The following TSPAN9 variants were observed in gnomAD, a reference collection of about 807,000 sequenced individuals.
TSPAN9 encodes the protein tetraspanin 9, also known as tetraspanin-9.
In TSPAN9, 16 loss-of-function variants were observed where a neutral mutation model predicts 31.0. That is an observed-to-expected ratio of 0.52 (90% confidence interval 0.35 to 0.78). The LOEUF is 0.78. TSPAN9 is among the 30% of genes least tolerant of loss of function. TSPAN9 has a pLI of 0.01. For synonymous variants in TSPAN9, 145 were observed against 121.6 expected (o/e 1.19, Z -1.27); for missense variants, 272 against 312.5 (o/e 0.87, Z 0.98).
chr12:3,277,862 T>A (rs1201425041), intron 3 of TSPAN9, among the ~76,000 whole-genome samples: 1 of 152,212 alleles, frequency 6.6e-6, no homozygotes, highest in Non-Finnish European at 1.5e-5. Context: ...CCTTTCTCCA[T>A]CTGTGGGAAA....
chr12:3,205,617 G>A (rs2098374643), intron 3 of TSPAN9, among the ~76,000 whole-genome samples: 1 of 152,134 alleles, frequency 6.6e-6, no homozygotes, highest in African/African-American at 2.4e-5. Context: ...TAGTGAGTGG[G>A]CTCAAGGGTC....
At chr12:3,238,971 G>A (rs1312200250) in intron 3 of TSPAN9, among the ~76,000 whole-genome samples, 6 of 152,286 alleles carry the variant, frequency 3.9e-5, no homozygotes, top group South Asian at 4.1e-4. Flanking sequence ...TCGGGTGGCC[G>A]CCATCTCAGC....
At chr12:3,175,777 C>G (rs758543035) in intron 2 of TSPAN9, among the ~76,000 whole-genome samples, 2 of 152,136 alleles carry the variant, frequency 1.3e-5, no homozygotes, top group African/African-American at 2.4e-5. Context: ...GGTGTGGGAC[C>G]GGCATCGCAC....
At chr12:3,114,948 A>T (rs992331506) in intron 2 of TSPAN9, among the ~76,000 whole-genome samples, 7 of 151,990 alleles carry the variant, frequency 4.6e-5, no homozygotes, top group African/African-American at 1.4e-4. Context: ...GAGTTTGTCT[A>T]TCTGAAGAGG....
chr12:3,110,357 A>G (rs577808418), intron 2 of TSPAN9, among the ~76,000 whole-genome samples: 1 of 152,336 alleles, frequency 6.6e-6, no homozygotes, highest in Admixed American at 6.5e-5. Context: ...ATACTAATTT[A>G]CAAATTTTTT....
chr12:3,198,643 C>G (rs796484379), intron 2 of TSPAN9, among the ~76,000 whole-genome samples: 95 of 37,826 alleles, frequency 2.5e-3, no homozygotes, highest in African/African-American at 6.9e-3. Context: ...ACCAGCACAG[C>G]TCACCACCAG....
intron 4 of TSPAN9, 140 bp downstream of exon 4, chr12:3,278,752 C>T: frequency 1.7e-6 from 2 of 1,203,222 alleles, no homozygotes; most frequent in Non-Finnish European, 2.3e-6. Context: ...ACGTTCTAGG[C>T]TTGACCACAC....
intron 2 of TSPAN9, among the ~76,000 whole-genome samples, chr12:3,166,475 TTATACA>T (rs2098348492): frequency 6.6e-6 from 1 of 152,258 alleles, no homozygotes; most frequent in Non-Finnish European, 1.5e-5. Context: ...AAGACTAGTA[TTATACA>T]TATAGATGAT....
chr12:3,098,136 G>T (rs1412179742), intron 2 of TSPAN9, among the ~76,000 whole-genome samples: 2 of 152,350 alleles, frequency 1.3e-5, no homozygotes, highest in East Asian at 3.9e-4. Context: ...AGGGCCCCCA[G>T]CTGGCCTGGG....
chr12:3,084,970 C>T (rs1472240444), intron 2 of TSPAN9, among the ~76,000 whole-genome samples: 5 of 152,158 alleles, frequency 3.3e-5, no homozygotes, highest in Admixed American at 6.5e-5. Context: ...CCCTGGGGCC[C>T]GGATGGGTGT....
chr12:3,217,124 G>A (rs1013847714), intron 3 of TSPAN9, among the ~76,000 whole-genome samples: 4 of 152,192 alleles, frequency 2.6e-5, no homozygotes, highest in African/African-American at 9.7e-5. Context: ...GTGTTCCCAG[G>A]CTGCTATTCG....
chr12:3,261,584 C>T (rs1034037194), intron 3 of TSPAN9, among the ~76,000 whole-genome samples: 7 of 152,314 alleles, frequency 4.6e-5, no homozygotes, highest in Admixed American at 6.5e-5. Flanking sequence ...CTAGGACAGA[C>T]ACTTTGCCTC....
intron 1 of TSPAN9, among the ~76,000 whole-genome samples, chr12:3,079,491 T>C (rs1444874060): frequency 1.3e-5 from 2 of 152,290 alleles, no homozygotes; most frequent in East Asian, 1.9e-4. Flanking sequence ...GACAGACTTT[T>C]GCTTTTGTTG....
In TSPAN9 at chr12:3,095,937, G is replaced by T. The variant is rs544050660; in HGVS notation, c.-18+12218G>T. Among the ~76,000 whole-genome samples the T allele has an allele frequency of 9.4e-5, 14 of 149,432 alleles. No individual in the cohort carries two copies. In the East Asian group the frequency reaches 2.8e-3, roughly 30 times the overall value. On this transcript the variant is annotated intron_variant, in intron 2 of 8. Transcript: ENST00000011898. ...CTCCTCACTTCCCAGACGGGGTGGCGGCCGGGCAGAGGCTGCAATCTCGGC... is the reference window on the plus strand; with the variant it reads ...CTCCTCACTTCCCAGACGGGGTGGCTGCCGGGCAGAGGCTGCAATCTCGGC...
intron 3 of TSPAN9, among the ~76,000 whole-genome samples, chr12:3,243,364 A>G (rs984145602): frequency 6.6e-6 from 1 of 152,112 alleles, no homozygotes; most frequent in African/African-American, 2.4e-5. Flanking sequence ...CCCAGGAGGC[A>G]GGGGCTCCTG....
At chr12:3,253,255 AAT>A (rs746003393) in intron 3 of TSPAN9, among the ~76,000 whole-genome samples, 13 of 152,364 alleles carry the variant, frequency 8.5e-5, no homozygotes, top group South Asian at 8.3e-4. Context: ...CGATAGGAAA[AAT>A]GCAGTAAAGA....
chr12:3,225,248 T>A (rs964797776), intron 3 of TSPAN9, among the ~76,000 whole-genome samples: 2 of 152,050 alleles, frequency 1.3e-5, no homozygotes, highest in African/African-American at 4.8e-5. Context: ...GGTGAATGAT[T>A]TCAGGCGAGG....
intron 2 of TSPAN9, among the ~76,000 whole-genome samples, chr12:3,140,805 AG>A (rs1019614081): frequency 1.3e-5 from 2 of 152,016 alleles, no homozygotes; most frequent in African/African-American, 4.8e-5. Flanking sequence ...GGGAAAGCCC[AG>A]GGGAAGAGTG....
chr12:3,134,634 T>TTGGGGACAGTGGCA (rs1485249890), intron 2 of TSPAN9, among the ~76,000 whole-genome samples: 11 of 151,950 alleles, frequency 7.2e-5, no homozygotes, highest in African/African-American at 2.7e-4. Flanking sequence ...GGAGGGAAGT[T>TTGGGGACAGTGGCA]TGGGGACAGT....
Sources: allele counts gnomAD v4.1 joint callset (sites outside exome capture counted in the v4.1 genomes callset), GRCh38; gene constraint gnomAD v4.1.1; transcripts MANE v1.5; gene names NCBI Gene and HGNC (gene_info 2026-07-23, HGNC 2026-07-21).